ZBTB43: variants seen among roughly 807,000 people sequenced by gnomAD.
ZBTB43 encodes zinc finger and BTB domain containing 43, also known as zinc finger and BTB domain-containing protein 43.
Under a neutral mutation model 31.1 loss-of-function variants are expected in ZBTB43, and 6 were observed. The observed-to-expected ratio is 0.19, with a 90% CI of 0.11 to 0.38. The LOEUF is 0.38. Among genes scored for constraint, ZBTB43 ranks in the 10% least tolerant of loss-of-function variants. The pLI, the probability that ZBTB43 is intolerant of heterozygous loss-of-function variation, is 1.00. For synonymous variants in ZBTB43, 212 were observed against 221.7 expected, an observed-to-expected ratio of 0.96 and a Z score of 0.39; for missense variants, 379 against 602.1, an observed-to-expected ratio of 0.63 and a Z score of 3.88.
intron 2 of ZBTB43, among the ~76,000 whole-genome samples, chr9:126,814,398 A>G (rs992141724): frequency 9.2e-6 from 1 of 108,628 alleles, no homozygotes; most frequent in African/African-American, 3.6e-5. Context: ...ATTTACTTTG[A>G]TATTAGTATT....
At chr9:126,806,913 A>C (rs2032138664) in intron 1 of ZBTB43, among the ~76,000 whole-genome samples, 1 of 152,222 alleles carries the variant, frequency 6.6e-6, no homozygotes, top group Non-Finnish European at 1.5e-5. Flanking sequence ...GAATCAGTGC[A>C]AGAATGTGCT....
At chr9:126,822,077 G>A (rs1164284837) in intron 2 of ZBTB43, among the ~76,000 whole-genome samples, 14 of 151,614 alleles carry the variant, frequency 9.2e-5, no homozygotes, top group African/African-American at 2.7e-4. Context: ...GGCTGGTCTC[G>A]AACTCCTGAC....
intron 2 of ZBTB43, among the ~76,000 whole-genome samples, chr9:126,828,302 G>C (rs1328351220): frequency 1.3e-5 from 2 of 151,516 alleles, no homozygotes; most frequent in Non-Finnish European, 2.9e-5. Context: ...TCCTGCCTCA[G>C]CCTCCCAAGT....
At chr9:126,818,800 A>G (rs566719332) in intron 2 of ZBTB43, among the ~76,000 whole-genome samples, 8 of 152,224 alleles carry the variant, frequency 5.3e-5, no homozygotes, top group East Asian at 1.9e-4. Flanking sequence ...CAGTGTTCAT[A>G]AGGGGTATTG....
At chr9:126,805,608 C>T (rs2032108287) in intron 1 of ZBTB43, among the ~76,000 whole-genome samples, 7 of 152,244 alleles carry the variant, frequency 4.6e-5, no homozygotes, top group Admixed American at 3.9e-4. Flanking sequence ...GTCTCTGTCA[C>T]CTGTTGTAAC....
At chr9:126,822,742 G>A (rs1256930213) in intron 2 of ZBTB43, among the ~76,000 whole-genome samples, 3 of 151,900 alleles carry the variant, frequency 2.0e-5, no homozygotes, top group African/African-American at 4.8e-5. Flanking sequence ...CCTATCTTGG[G>A]AAACAAAAAA....
chr9:126,812,556 T>A (rs1224442271), intron 2 of ZBTB43, among the ~76,000 whole-genome samples: 1 of 152,194 alleles, frequency 6.6e-6, no homozygotes, highest in East Asian at 1.9e-4. Context: ...TTATAATACC[T>A]ACACATCCTC....
chr9:126,825,967 C>CT (rs2032624587), intron 2 of ZBTB43, among the ~76,000 whole-genome samples: 4 of 150,670 alleles, frequency 2.7e-5, no homozygotes, highest in African/African-American at 7.3e-5. Flanking sequence ...ATGCCTCAGC[C>CT]TCCTGGGTAG....
chr9:126,810,529 T>A (rs1391790825), intron 2 of ZBTB43, among the ~76,000 whole-genome samples: 2 of 89,110 alleles, frequency 2.2e-5, no homozygotes, highest in Non-Finnish European at 4.4e-5. Context: ...TGAGATGGGG[T>A]CTCGCTCTGT....
chr9:126,832,381 C>T, intron 2 of ZBTB43, 106 bp from the exon 3 acceptor site: 1 of 1,096,952 alleles, frequency 9.1e-7, no homozygotes, highest in Non-Finnish European at 1.3e-6. Context: ...GGCCCATAGG[C>T]TAGAGGACTT....
chr9:126,828,961 AT>A (rs2032710693), intron 2 of ZBTB43, among the ~76,000 whole-genome samples: 1 of 152,186 alleles, frequency 6.6e-6, no homozygotes. Flanking sequence ...TGCCAGCCTC[AT>A]TCATAATTAA....
intron 2 of ZBTB43, among the ~76,000 whole-genome samples, chr9:126,829,526 A>G (rs930137305): frequency 6.6e-6 from 1 of 152,202 alleles, no homozygotes; most frequent in Non-Finnish European, 1.5e-5. Context: ...TTAAGTGACA[A>G]AAGCTAAGTG....
At chr9:126,821,164 T>A (rs2032501001) in intron 2 of ZBTB43, among the ~76,000 whole-genome samples, 1 of 151,436 alleles carries the variant, frequency 6.6e-6, no homozygotes, top group Admixed American at 6.6e-5. Flanking sequence ...AGGTCAGGAG[T>A]TTGAAACCAG....
rs763256490 is a variant in ZBTB43 at position 126,832,474 on chromosome 9, C to T, written c.-23-13C>T. The T allele has an allele frequency of 1.9e-6, 3 of 1,560,992 alleles. No homozygotes were observed. Among genetic ancestry groups the T allele is most frequent in the Middle Eastern group, 1.7e-4 (1 of 5,810 alleles). ...TGGGCTGGAATTTGTACTAATTTTT[C>T]TTTCTCTTGTAGCACCGAACAAGAT... On this transcript the variant is annotated splice_polypyrimidine_tract_variant and intron_variant, in intron 2 of 2. Transcript: ENST00000373464.
In ZBTB43 at chr9:126,833,685, C is replaced by T. The variant is rs2032821430; in HGVS notation, c.1176C>T (p.Ser392=). 2.5e-6 allele frequency: 4 copies of T among 1,607,798 alleles called. No homozygotes were observed. The highest frequency in any genetic ancestry group is 1.7e-5 in the Admixed American group (1 of 59,884). Residue 392 remains serine, a synonymous_variant, in exon 3 of 3, where the codon AGC becomes AGT. Coordinates refer to ENST00000373464, the MANE Select transcript of ZBTB43 (RefSeq NM_014007.4). This position sits in a 1 kb window ranked among gnomAD's most constrained non-coding sequence, Gnocchi z 7.9. ...THKSQRDRHM[S]MHLGLRPYGC... is the part of the protein sequence containing the mutation. ...AGAGTCAGAGAGATCGGCACATGAG[C>T]ATGCACCTCGGTCTTCGGCCTTACG...
chr9:126,819,399 GC>G (rs2032462759), intron 2 of ZBTB43, among the ~76,000 whole-genome samples: 1 of 150,208 alleles, frequency 6.7e-6, no homozygotes, highest in South Asian at 2.1e-4. Flanking sequence ...TCATATTTTG[GC>G]AGTTCTTGCA....
rs2032885700 is a variant in ZBTB43 at position 126,836,656 on chromosome 9, T to C, written c.*2743T>C. The C allele has an allele frequency of 6.0e-6, 1 of 167,094 alleles. No homozygotes were observed. Among genetic ancestry groups the C allele is most frequent in the Admixed American group, 6.5e-5 (1 of 15,288 alleles). The allele number at this position is 167,094 out of a possible 1,614,324, so 10.4% of individuals were successfully genotyped here. A position where few individuals can be genotyped will look rare whatever the true frequency, so the allele number is the denominator to read the frequency against. ...AAATCTTTATCCTTCCTAATAAGTT[T>C]GGATGGTTGTGGGTAACATTGTTCA... On this transcript the variant is annotated 3_prime_UTR_variant, in exon 3 of 3. Transcript: ENST00000373464.
chr9:126,824,746 G>T (rs1332835109), intron 2 of ZBTB43, among the ~76,000 whole-genome samples: 1 of 152,144 alleles, frequency 6.6e-6, no homozygotes, highest in African/African-American at 2.4e-5. Flanking sequence ...TGACTATAAT[G>T]TGTCTTTATC....
chr9:126,819,160 G>C lies in ZBTB43; in HGVS notation c.-24+10245G>C, dbSNP rs183914723. Among the ~76,000 whole-genome samples, 256 of 152,038 alleles carry C rather than the reference G, an allele frequency of 1.7e-3. 1 individual carries two copies. Among genetic ancestry groups the C allele is most frequent in the African/African-American group, 6.1e-3 (251 of 41,482 alleles). ...TTTTAAAAAGACTCAGTCTTGTTAA[G>C]TGTATTAAGACTCGTTTATGGTCTA... On this transcript the variant is annotated intron_variant, in intron 2 of 2. Coordinates refer to ENST00000373464, the MANE Select transcript of ZBTB43 (RefSeq NM_014007.4).
Sources: gnomAD v4.1 joint callset for allele counts (sites outside exome capture counted in the v4.1 genomes callset) on GRCh38, gnomAD v4.1.1 for gene constraint, Gnocchi (gnomAD v3.1) non-coding constraint, MANE v1.5 for transcripts, NCBI Gene and HGNC (gene_info 2026-07-23, HGNC 2026-07-21) for gene names.